TTC28: variants seen among roughly 807,000 people sequenced by gnomAD.
TTC28 encodes tetratricopeptide repeat domain 28, also known as tetratricopeptide repeat protein 28.
TTC28 carries 61 observed loss-of-function variants against 198.0 expected under a neutral mutation model. The ratio of observed to expected loss-of-function variants is 0.31; its 90% CI spans 0.25 to 0.38. TTC28 has a LOEUF of 0.38. TTC28 is among the 10% of genes least tolerant of loss of function. The pLI, the probability that TTC28 is intolerant of heterozygous loss-of-function variation, is 1.00. For synonymous variants in TTC28, 1,171 were observed against 1,297.8 expected (o/e 0.90, Z 2.10); for missense variants, 2,678 against 3,164.0 (o/e 0.85, Z 3.69).
chr22:28,543,487 A>C (rs2049464970), intron 2 of TTC28, among the ~76,000 whole-genome samples: 1 of 150,552 alleles, frequency 6.6e-6, no homozygotes, highest in African/African-American at 2.4e-5. Flanking sequence ...GGGGGAGGAG[A>C]GGGAGGAAGA....
intron 2 of TTC28, among the ~76,000 whole-genome samples, chr22:28,485,454 A>G (rs1292656683): frequency 1.3e-5 from 2 of 152,092 alleles, no homozygotes; most frequent in Non-Finnish European, 2.9e-5. Flanking sequence ...CTTCACTTCT[A>G]TCCTGTATTT....
At chr22:28,364,486 T>C (rs2046212125) in intron 2 of TTC28, among the ~76,000 whole-genome samples, 1 of 152,214 alleles carries the variant, frequency 6.6e-6, no homozygotes, top group Non-Finnish European at 1.5e-5. Context: ...TGTGAGGTTA[T>C]AGTTGCCATA....
At chr22:28,177,785 T>C (rs1923306778) in intron 5 of TTC28, among the ~76,000 whole-genome samples, 2 of 152,320 alleles carry the variant, frequency 1.3e-5, no homozygotes, top group South Asian at 2.1e-4. Flanking sequence ...ATTTCAACTA[T>C]ATTACATTCT....
At chr22:28,295,574 G>T (rs963319948) in intron 5 of TTC28, among the ~76,000 whole-genome samples, 7 of 152,278 alleles carry the variant, frequency 4.6e-5, no homozygotes, top group African/African-American at 1.7e-4. Context: ...AGATCCCACA[G>T]CCAGGAAGTA....
intron 2 of TTC28, among the ~76,000 whole-genome samples, chr22:28,460,951 TG>T (rs1437522814): frequency 6.6e-6 from 1 of 152,182 alleles, no homozygotes; most frequent in Non-Finnish European, 1.5e-5. Flanking sequence ...ATCAAAATGC[TG>T]AGATTACAGG....
chr22:28,522,804 A>C (rs921289452), intron 2 of TTC28, among the ~76,000 whole-genome samples: 8 of 152,200 alleles, frequency 5.3e-5, no homozygotes, highest in African/African-American at 1.7e-4. Flanking sequence ...ATATTTATGT[A>C]AAAAGTCCAG....
chr22:28,199,180 A>C (rs1925656468), intron 5 of TTC28, among the ~76,000 whole-genome samples: 1 of 151,896 alleles, frequency 6.6e-6, no homozygotes. Context: ...AAAGATATTT[A>C]AAAATCTAAG....
At chr22:28,222,147 G>A (rs1927923720) in intron 5 of TTC28, among the ~76,000 whole-genome samples, 1 of 152,166 alleles carries the variant, frequency 6.6e-6, no homozygotes, top group Non-Finnish European at 1.5e-5. Context: ...TCTTTAATGA[G>A]CATTGATGCA....
At chr22:28,671,403 A>T (rs2051880341) in intron 1 of TTC28, among the ~76,000 whole-genome samples, 1 of 151,980 alleles carries the variant, frequency 6.6e-6, no homozygotes, top group African/African-American at 2.4e-5. Flanking sequence ...TGGGAGACCA[A>T]GGCAGGTGGA....
chr22:28,465,513 A>G (rs1202124948), intron 2 of TTC28, among the ~76,000 whole-genome samples: 1 of 151,934 alleles, frequency 6.6e-6, no homozygotes, highest in African/African-American at 2.4e-5. Flanking sequence ...AATCCCAGCT[A>G]CTCACGAGGC....
chr22:28,249,116 T>G lies in TTC28; in HGVS notation c.933+47082A>C, dbSNP rs545188909. 6.6e-5 allele frequency among the ~76,000 whole-genome samples: 10 copies of G among 152,116 alleles called. No homozygotes were observed. In the East Asian group the frequency reaches 1.5e-3, roughly 24 times the overall value. Reference sequence around the variant, plus strand: ...AAGAAGACAAAGCGAGTACCATAACTGGGGGAGACAGAATAACCCAGAGGT... The same window carrying G: ...AAGAAGACAAAGCGAGTACCATAACGGGGGGAGACAGAATAACCCAGAGGT... On this transcript the variant is annotated intron_variant, in intron 5 of 22. Coordinates refer to ENST00000397906, the MANE Select transcript of TTC28 (RefSeq NM_001145418.2).
Position 28,107,728 on chromosome 22 carries a change from G to T in TTC28, c.2117C>A (p.Ser706Tyr). The T allele has an allele frequency of 6.4e-7, 1 of 1,551,856 alleles. No individual in the cohort carries two copies. Among genetic ancestry groups the T allele is most frequent in the Non-Finnish European group, 8.7e-7 (1 of 1,147,018 alleles). The change falls in exon 7 of 23, where the codon TCT (serine) becomes TAT (tyrosine). Residue 706 changes from serine (S) to tyrosine (Y), a missense_variant. Ser to Tyr is a moderately radical substitution (Grantham distance 144). Coordinates refer to ENST00000397906, the MANE Select transcript of TTC28 (RefSeq NM_001145418.2). ...AAATTTAGCCTGGGAATTATTCAGAGACTGGGCTAGGGACAGTAGGTACTT... is the reference window on the plus strand; with the variant it reads ...AAATTTAGCCTGGGAATTATTCAGATACTGGGCTAGGGACAGTAGGTACTT... ...CQKYLLSLAQSLNNSQAKFRA... is the reference protein window; with the variant it reads ...CQKYLLSLAQYLNNSQAKFRA...
chr22:28,440,148 T>C (rs1485648859), intron 2 of TTC28, among the ~76,000 whole-genome samples: 3 of 152,160 alleles, frequency 2.0e-5, no homozygotes, highest in African/African-American at 7.2e-5. Flanking sequence ...CTGTACACAT[T>C]TAATTTATAC....
At chr22:28,621,361 A>G (rs2050991874) in intron 2 of TTC28, among the ~76,000 whole-genome samples, 1 of 152,134 alleles carries the variant, frequency 6.6e-6, no homozygotes, top group Non-Finnish European at 1.5e-5. Context: ...GAACTATAAT[A>G]CTGGCTCTGT....
chr22:28,530,495 A>T (rs183848867), intron 2 of TTC28, among the ~76,000 whole-genome samples: 63 of 152,340 alleles, frequency 4.1e-4, no homozygotes, highest in African/African-American at 1.4e-3. Context: ...TCAGGATATT[A>T]TCCAGGAGAA....
chr22:28,401,773 A>C (rs1166671930), intron 2 of TTC28, among the ~76,000 whole-genome samples: 2 of 152,112 alleles, frequency 1.3e-5, no homozygotes, highest in East Asian at 3.8e-4. Flanking sequence ...CCATCTCTAC[A>C]AAAAAAATTT....
chr22:28,258,768 C>T (rs1313082961), intron 5 of TTC28, among the ~76,000 whole-genome samples: 1 of 152,040 alleles, frequency 6.6e-6, no homozygotes, highest in Admixed American at 6.6e-5. Flanking sequence ...GTATATTATA[C>T]TTTTTAGACC....
chr22:28,066,120 C>T (rs2146755038), intron 12 of TTC28, among the ~76,000 whole-genome samples: 1 of 152,108 alleles, frequency 6.6e-6, no homozygotes, highest in East Asian at 1.9e-4. Flanking sequence ...AGAGATATCT[C>T]TATTTTTTTT....
intron 2 of TTC28, among the ~76,000 whole-genome samples, chr22:28,404,436 G>A (rs997613361): frequency 4.6e-5 from 7 of 152,214 alleles, no homozygotes; most frequent in Middle Eastern, 3.4e-3. Flanking sequence ...TATTTTTTAA[G>A]ATATACACAC....
Sources: allele counts gnomAD v4.1 joint callset (sites outside exome capture counted in the v4.1 genomes callset), GRCh38; gene constraint gnomAD v4.1.1; transcripts MANE v1.5; gene names NCBI Gene and HGNC (gene_info 2026-07-23, HGNC 2026-07-21).